Variants in SERPINB12 observed in about 807,000 individuals in gnomAD.
SERPINB12 encodes the protein serpin B12.
A neutral mutation model predicts 41.1 loss-of-function variants in SERPINB12; 57 were observed. That is an observed-to-expected ratio of 1.39 (90% confidence interval 1.12 to 1.73). The LOEUF is 1.73. Among genes scored for constraint, SERPINB12 ranks in the 40% most tolerant of loss-of-function variants. The pLI is 0.00. For synonymous variants in SERPINB12, 180 were observed against 181.3 expected (o/e 0.99, Z 0.06); for missense variants, 536 against 501.9 (o/e 1.07, Z -0.65).
At chr18:63,562,967 G>A (rs1910963369) in intron 5 of SERPINB12, among the ~76,000 whole-genome samples, 1 of 152,192 alleles carries the variant, frequency 6.6e-6, no homozygotes, top group Admixed American at 6.5e-5. Context: ...TTTTCAAGTG[G>A]AGCTTAGGGC....
chr18:63,564,382 G>C (rs1911023462), intron 6 of SERPINB12, among the ~76,000 whole-genome samples: 1 of 152,130 alleles, frequency 6.6e-6, no homozygotes, highest in Non-Finnish European at 1.5e-5. Context: ...CTTAGGATTT[G>C]AGACAAAAAA....
the SERPINB12 span, among the ~76,000 whole-genome samples, chr18:63,525,024 C>T: frequency 7.2e-5 from 11 of 152,170 alleles, no homozygotes; most frequent in African/African-American, 2.4e-4. Flanking sequence ...TGCTGGATTA[C>T]AGGCGTGAGC....
At chr18:63,522,416 T>C in the SERPINB12 span, among the ~76,000 whole-genome samples, 2 of 152,204 alleles carry the variant, frequency 1.3e-5, no homozygotes, top group Non-Finnish European at 2.9e-5. Context: ...TGTTTCCACT[T>C]TTGTTCACAA....
the SERPINB12 span, among the ~76,000 whole-genome samples, chr18:63,529,019 T>C: frequency 2.6e-5 from 4 of 152,090 alleles, no homozygotes; most frequent in African/African-American, 9.7e-5. Context: ...GGGACCACAC[T>C]CAGTTCCAGG....
intron 1 of SERPINB12, among the ~76,000 whole-genome samples, chr18:63,544,538 A>T (rs1206734481): frequency 6.6e-6 from 1 of 152,040 alleles, no homozygotes; most frequent in Non-Finnish European, 1.5e-5. Context: ...GCTTCTTCTG[A>T]TTGCAAGTTT....
the SERPINB12 span, among the ~76,000 whole-genome samples, chr18:63,535,515 G>T: frequency 6.6e-6 from 1 of 152,120 alleles, no homozygotes; most frequent in Non-Finnish European, 1.5e-5. Context: ...CCGTCAAAAT[G>T]TTAATTCCAT....
chr18:63,549,222 C>T (rs914584865), intron 1 of SERPINB12, among the ~76,000 whole-genome samples: 1 of 152,010 alleles, frequency 6.6e-6, no homozygotes, highest in Non-Finnish European at 1.5e-5. Flanking sequence ...TTGGAAAGCA[C>T]ACGGAAAAAT....
the SERPINB12 span, among the ~76,000 whole-genome samples, chr18:63,528,691 T>A: frequency 6.6e-6 from 1 of 152,098 alleles, no homozygotes; most frequent in African/African-American, 2.4e-5. Flanking sequence ...CAAAAATAAC[T>A]TAGGCATGTA....
the SERPINB12 span, among the ~76,000 whole-genome samples, chr18:63,524,769 C>T: frequency 0.65 from 82,378 of 127,464 alleles, 25,891 homozygotes; most frequent in Middle Eastern, 0.76. Context: ...TTTTTTTTTT[C>T]GTGACAGTCT....
chr18:63,558,302 G>C (rs1344045600), intron 2 of SERPINB12, 50 bp from the exon 3 acceptor site: 5 of 1,555,730 alleles, frequency 3.2e-6, no homozygotes, highest in Non-Finnish European at 4.3e-6. Context: ...AGTTATTCAG[G>C]CTTCCCTCTG....
the SERPINB12 span, among the ~76,000 whole-genome samples, chr18:63,528,887 A>T: frequency 6.6e-6 from 1 of 152,316 alleles, no homozygotes; most frequent in Middle Eastern, 3.4e-3. Flanking sequence ...TTATACCAAA[A>T]GAGAAGATCC....
intron 1 of SERPINB12, among the ~76,000 whole-genome samples, chr18:63,544,039 AT>A (rs1910330518): frequency 1.3e-5 from 2 of 152,196 alleles, no homozygotes; most frequent in African/African-American, 4.8e-5. Flanking sequence ...AAACCATGGT[AT>A]TTCATCATTT....
Position 63,558,427 on chromosome 18 carries a change from G to A in SERPINB12, c.244G>A (p.Val82Met), listed in dbSNP as rs201266049. Residue 82 changes from valine to methionine, a missense_variant, in exon 3 of 8, where the codon GTG becomes ATG. Coordinates refer to ENST00000382768, the MANE Select transcript of SERPINB12 (RefSeq NM_001307928.2). ...DPCLKSNKQK[V>M]LADSSLEGQK... ...TTGTCTGAAAAGCAACAAACAAAAA[G>A]TGCTGGCTGACAGCTCTCTGGAGGG... is the stretch of plus-strand genomic sequence containing the variant. 3 of 1,613,848 alleles carry A rather than the reference G, an allele frequency of 1.9e-6. No individual in the cohort carries two copies. The highest frequency in any genetic ancestry group is 2.2e-5 in the East Asian group (1 of 44,870).
chr18:63,532,219 C>G, the SERPINB12 span, among the ~76,000 whole-genome samples: 1 of 152,304 alleles, frequency 6.6e-6, no homozygotes, highest in South Asian at 2.1e-4. Context: ...TCAAGAGACT[C>G]AGGGGTTGCT....
chr18:63,520,459 A>G, the SERPINB12 span, among the ~76,000 whole-genome samples: 13 of 152,214 alleles, frequency 8.5e-5, no homozygotes, highest in Non-Finnish European at 1.3e-4. Context: ...AATGAGTCAC[A>G]GATGCATGGT....
chr18:63,545,630 C>T (rs1910370365), intron 1 of SERPINB12, among the ~76,000 whole-genome samples: 1 of 152,082 alleles, frequency 6.6e-6, no homozygotes, highest in Non-Finnish European at 1.5e-5. Flanking sequence ...TTCTCAGGTA[C>T]CCAGAAGCCC....
chr18:63,522,743 C>A, the SERPINB12 span, among the ~76,000 whole-genome samples: 1 of 152,090 alleles, frequency 6.6e-6, no homozygotes, highest in East Asian at 1.9e-4. Context: ...AATCTGACTG[C>A]AGATGCCTTT....
the SERPINB12 span, among the ~76,000 whole-genome samples, chr18:63,532,939 TA>T: frequency 2.0e-5 from 3 of 152,164 alleles, no homozygotes; most frequent in Non-Finnish European, 4.4e-5. Context: ...AGCTTTTTAT[TA>T]TGTAAATCTT....
At chr18:63,553,545 T>G (rs1910586726) in intron 1 of SERPINB12, among the ~76,000 whole-genome samples, 1 of 152,194 alleles carries the variant, frequency 6.6e-6, no homozygotes, top group African/African-American at 2.4e-5. Flanking sequence ...TCAGTCTTTC[T>G]AACCAACCCC....
Sources: gnomAD v4.1 joint callset for allele counts (sites outside exome capture counted in the v4.1 genomes callset) on GRCh38, gnomAD v4.1.1 for gene constraint, MANE v1.5 for transcripts, NCBI Gene and HGNC (gene_info 2026-07-23, HGNC 2026-07-21) for gene names.